Variants in GALNT17 observed in about 807,000 individuals in gnomAD.
The protein encoded by GALNT17 is polypeptide N-acetylgalactosaminyltransferase 17.
Under a neutral mutation model 63.7 loss-of-function variants are expected in GALNT17, and 29 were observed. That is an observed-to-expected ratio of 0.46 (90% CI 0.34 to 0.62). The LOEUF is 0.62. GALNT17 is among the 20% of genes least tolerant of loss of function. GALNT17 has a pLI of 0.01. For missense variants in GALNT17, 603 were observed against 799.6 expected (o/e 0.75, Z 2.97); for synonymous variants, 305 against 318.3 (o/e 0.96, Z 0.45).
chr7:71,437,121 A>G (rs545383053), intron 5 of GALNT17, among the ~76,000 whole-genome samples: 10 of 152,316 alleles, frequency 6.6e-5, no homozygotes, highest in African/African-American at 2.4e-4. Flanking sequence ...CCCCCTGAGT[A>G]GAGAGCAATC....
chr7:71,296,351 C>T (rs536050060), intron 1 of GALNT17, among the ~76,000 whole-genome samples: 4 of 152,130 alleles, frequency 2.6e-5, no homozygotes, highest in Non-Finnish European at 5.9e-5. Context: ...CAGTGACTCA[C>T]GCCTGTAATC....
chr7:71,487,041 A>T lies in GALNT17; in HGVS notation c.962+65936A>T, dbSNP rs796825319. Among the ~76,000 whole-genome samples, 36 of 152,244 alleles carry T rather than the reference A, an allele frequency of 2.4e-4. 1 individual carries two copies. Among genetic ancestry groups the T allele is most frequent in the African/African-American group, 8.2e-4 (34 of 41,558 alleles). On this transcript the variant is annotated intron_variant, in intron 5 of 10. Coordinates refer to ENST00000333538, the MANE Select transcript of GALNT17 (RefSeq NM_022479.3). The stretch of plus-strand genomic sequence containing the variant: ...CTTGACTTTTCAGTGTGGGACACGA[A>T]GCTTCAGCAACCCTGCCTGATTCAG...
chr7:71,259,638 G>GTTTTTTTTTTTTTTTTT (rs1219751607), intron 1 of GALNT17, among the ~76,000 whole-genome samples: 10 of 138,006 alleles, frequency 7.2e-5, no homozygotes, highest in Admixed American at 1.4e-4. Flanking sequence ...TTTGTTTTTT[G>GTTTTTTTTTTTTTTTTT]TTTTTTTGTT....
At chr7:71,667,706 T>C (rs1291815025) in intron 7 of GALNT17, among the ~76,000 whole-genome samples, 1 of 152,130 alleles carries the variant, frequency 6.6e-6, no homozygotes, top group Non-Finnish European at 1.5e-5. Flanking sequence ...ACAAAGCACA[T>C]GGGCAGGGAA....
rs572996976 is a variant in GALNT17, at chr7:71,561,962, C to CT, written c.963-9312dup. Among the ~76,000 whole-genome samples, 160 of 146,182 alleles carry CT rather than the reference C, an allele frequency of 1.1e-3. 1 individual carries two copies. The highest frequency in any genetic ancestry group is 8.3e-3 in the South Asian group (38 of 4,574). On this transcript the variant is annotated intron_variant, in intron 5 of 10. Transcript: ENST00000333538. ...CAGCAGATTTTGTTTTGTTTTTTGT[C>CT]TTTTTTTTTTTGAGATGGGGTCTCG...
chr7:71,482,079 ATATGTGTGTGTGTG>A (rs1238131883), intron 5 of GALNT17, among the ~76,000 whole-genome samples: 2 of 136,888 alleles, frequency 1.5e-5, no homozygotes, highest in African/African-American at 5.4e-5. Context: ...ACATATATGT[ATATGTGTGTGTGTG>A]TGTGTGTGTG....
At chr7:71,461,503 G>A (rs927873628) in intron 5 of GALNT17, among the ~76,000 whole-genome samples, 1 of 152,198 alleles carries the variant, frequency 6.6e-6, no homozygotes, top group Non-Finnish European at 1.5e-5. Flanking sequence ...GCAGAGGATA[G>A]CACTCTTTCA....
intron 5 of GALNT17, among the ~76,000 whole-genome samples, chr7:71,445,167 T>TTTTC (rs1242379293): frequency 2.0e-5 from 3 of 149,718 alleles, no homozygotes; most frequent in Non-Finnish European, 3.0e-5. Context: ...CCACCTTTTT[T>TTTTC]TTTCTTTCTT....
intron 5 of GALNT17, among the ~76,000 whole-genome samples, chr7:71,465,588 G>A (rs1346672872): frequency 1.3e-5 from 2 of 152,106 alleles, no homozygotes; most frequent in Non-Finnish European, 2.9e-5. Context: ...AGAATGTGGC[G>A]GAAGCTTCCC....
intron 5 of GALNT17, among the ~76,000 whole-genome samples, chr7:71,524,177 T>C (rs1203429894): frequency 1.3e-5 from 2 of 149,778 alleles, no homozygotes; most frequent in Non-Finnish European, 3.0e-5. Flanking sequence ...TAGTTTTAGT[T>C]CTATTACTAT....
At chr7:71,466,499 T>C (rs1438349166) in intron 5 of GALNT17, among the ~76,000 whole-genome samples, 1 of 152,208 alleles carries the variant, frequency 6.6e-6, no homozygotes, top group Non-Finnish European at 1.5e-5. Flanking sequence ...CTCTGACATA[T>C]TTTGAAATGT....
intron 4 of GALNT17, among the ~76,000 whole-genome samples, chr7:71,419,138 A>G (rs73363743): frequency 0.045 from 6,829 of 152,138 alleles, 548 homozygotes; most frequent in African/African-American, 0.16. Context: ...ATACTCAGTG[A>G]CTCTTTCGCT....
At chr7:71,141,325 C>T (rs563633174) in intron 1 of GALNT17, among the ~76,000 whole-genome samples, 1 of 151,754 alleles carries the variant, frequency 6.6e-6, no homozygotes, top group Admixed American at 6.6e-5. Context: ...CGAGATTGTG[C>T]CATTGCACCG....
intron 6 of GALNT17, among the ~76,000 whole-genome samples, chr7:71,654,913 C>T (rs548839132): frequency 7.9e-5 from 12 of 152,160 alleles, no homozygotes; most frequent in African/African-American, 2.9e-4. Context: ...CTCAGCCTCC[C>T]GAGTAGCTGG....
At chr7:71,144,697 C>T (rs1220056672) in intron 1 of GALNT17, among the ~76,000 whole-genome samples, 1 of 151,512 alleles carries the variant, frequency 6.6e-6, no homozygotes, top group Non-Finnish European at 1.5e-5. Context: ...TGGGAGGAGA[C>T]CCTCAAATCC....
intron 6 of GALNT17, among the ~76,000 whole-genome samples, chr7:71,621,123 T>C (rs1421748204): frequency 1.3e-5 from 2 of 152,210 alleles, no homozygotes; most frequent in African/African-American, 4.8e-5. Context: ...CATATTTTAA[T>C]TGGATCCTTA....
At chr7:71,595,783 A>G (rs1789876839) in intron 6 of GALNT17, among the ~76,000 whole-genome samples, 1 of 152,082 alleles carries the variant, frequency 6.6e-6, no homozygotes. Context: ...ACAACTACAG[A>G]TATTCTCCCA....
chr7:71,380,301 A>C lies in GALNT17; in HGVS notation c.423-7934A>C, dbSNP rs541335348. On this transcript the variant is annotated intron_variant, in intron 2 of 10. Coordinates refer to ENST00000333538, the MANE Select transcript of GALNT17 (RefSeq NM_022479.3). The stretch of plus-strand genomic sequence containing the variant: ...ATTAAGCCAATTAAGGCTGTGGAAA[A>C]AGAGACTATTTACTTATTTTTTATT... Among the ~76,000 whole-genome samples the C allele has an allele frequency of 4.4e-4, 67 of 152,232 alleles. 1 individual carries two copies. The highest frequency in any genetic ancestry group is 1.5e-3 in the African/African-American group (63 of 41,526).
intron 1 of GALNT17, among the ~76,000 whole-genome samples, chr7:71,320,408 GA>G (rs35775246): frequency 0.53 from 75,255 of 143,314 alleles, 19,439 homozygotes; most frequent in Non-Finnish European, 0.57. Flanking sequence ...AGCTAATTTT[GA>G]AAAAAAAAAA....
Sources: allele counts gnomAD v4.1 joint callset (sites outside exome capture counted in the v4.1 genomes callset), GRCh38; gene constraint gnomAD v4.1.1; transcripts MANE v1.5; gene names NCBI Gene and HGNC (gene_info 2026-07-23, HGNC 2026-07-21).